Variants in RAB38 observed in about 807,000 individuals in gnomAD.
The protein encoded by RAB38 is ras-related protein Rab-38.
In RAB38, 15 loss-of-function variants were observed where a neutral mutation model predicts 18.4. The observed-to-expected ratio is 0.82, with a 90% CI of 0.55 to 1.26. The LOEUF is 1.26. Ranked by LOEUF, RAB38 falls within the 50% of genes most tolerant of loss-of-function variation. RAB38 has a pLI of 0.00. For missense variants in RAB38, 294 were observed against 267.4 expected (o/e 1.10, Z -0.69); for synonymous variants, 101 against 104.4 (o/e 0.97, Z 0.20).
chr11:88,044,058 C>T, the RAB38 span, among the ~76,000 whole-genome samples: 2 of 152,186 alleles, frequency 1.3e-5, no homozygotes, highest in Non-Finnish European at 1.5e-5. Context: ...CTCTTAATTT[C>T]AGTTCCTTTC....
At chr11:88,101,030 T>C in the RAB38 span, among the ~76,000 whole-genome samples, 2 of 152,104 alleles carry the variant, frequency 1.3e-5, no homozygotes, top group East Asian at 3.9e-4. Context: ...ATGACATTGC[T>C]GTAATCTGAC....
rs34291999 is a variant in RAB38 at position 88,174,800 on chromosome 11, T to C, written c.202+383A>G. Among the ~76,000 whole-genome samples the C allele has an allele frequency of 2.6e-3, 392 of 152,298 alleles. 2 individuals carry two copies. The highest frequency in any genetic ancestry group is 8.4e-3 in the African/African-American group (351 of 41,568). On this transcript the variant is annotated intron_variant, in intron 1 of 2. Coordinates refer to ENST00000243662, the MANE Select transcript of RAB38 (RefSeq NM_022337.3). ...AACCAGCCTAGGGGCTTCCCCTCGGTCCGCCCCTGCACGGAAGGACGTGCG... is the reference window on the plus strand; with the variant it reads ...AACCAGCCTAGGGGCTTCCCCTCGGCCCGCCCCTGCACGGAAGGACGTGCG...
At chr11:87,840,263 A>G in the RAB38 span, among the ~76,000 whole-genome samples, 3 of 152,190 alleles carry the variant, frequency 2.0e-5, no homozygotes, top group African/African-American at 7.2e-5. Flanking sequence ...CATTTGAGCT[A>G]GAGAAGAGAA....
chr11:88,070,049 G>A, the RAB38 span, among the ~76,000 whole-genome samples: 2 of 152,192 alleles, frequency 1.3e-5, no homozygotes, highest in Non-Finnish European at 2.9e-5. Flanking sequence ...GAGGCAACCT[G>A]CTCTGGGTCC....
At chr11:88,034,018 C>A in the RAB38 span, among the ~76,000 whole-genome samples, 1 of 152,142 alleles carries the variant, frequency 6.6e-6, no homozygotes, top group Non-Finnish European at 1.5e-5. Flanking sequence ...TGAGCCACCG[C>A]GCCCTGCAGT....
the RAB38 span, among the ~76,000 whole-genome samples, chr11:87,928,198 C>G: frequency 4.2e-3 from 632 of 152,046 alleles, 6 homozygotes; most frequent in African/African-American, 0.014. Flanking sequence ...GGTAAGTGTT[C>G]AATAACTTTT....
chr11:88,059,871 C>T, the RAB38 span, among the ~76,000 whole-genome samples: 1 of 152,202 alleles, frequency 6.6e-6, no homozygotes, highest in African/African-American at 2.4e-5. Context: ...GCAGCAGGTG[C>T]AGATGCATTT....
chr11:87,811,613 C>G, the RAB38 span, among the ~76,000 whole-genome samples: 1 of 152,104 alleles, frequency 6.6e-6, no homozygotes, highest in Admixed American at 6.6e-5. Flanking sequence ...GGGGCTGCTG[C>G]TCTCAGTTGT....
At chr11:87,874,713 C>T in the RAB38 span, among the ~76,000 whole-genome samples, 5 of 150,884 alleles carry the variant, frequency 3.3e-5, no homozygotes, top group Admixed American at 6.6e-5. Context: ...CATCCATAAT[C>T]GTTAGGGAAA....
intron 2 of RAB38, among the ~76,000 whole-genome samples, chr11:88,145,436 C>T (rs1565215842): frequency 1.3e-5 from 2 of 152,068 alleles, no homozygotes; most frequent in Non-Finnish European, 2.9e-5. Flanking sequence ...CGTGAGCCAC[C>T]GCGCCCAGCC....
intron 2 of RAB38, among the ~76,000 whole-genome samples, chr11:88,126,590 T>C (rs1942697927): frequency 6.6e-6 from 1 of 152,086 alleles, no homozygotes; most frequent in African/African-American, 2.4e-5. Flanking sequence ...TTAGGAGATA[T>C]ACCTAATGTA....
chr11:87,956,732 A>AT, the RAB38 span, among the ~76,000 whole-genome samples: 38 of 152,048 alleles, frequency 2.5e-4, no homozygotes, highest in South Asian at 5.8e-3. Flanking sequence ...GTTATAAAAC[A>AT]TTTTTTTTAA....
chr11:87,857,373 A>G, the RAB38 span, among the ~76,000 whole-genome samples: 1 of 152,200 alleles, frequency 6.6e-6, no homozygotes, highest in Non-Finnish European at 1.5e-5. Context: ...CTTTGGATAT[A>G]TACCCAGTAA....
the RAB38 span, among the ~76,000 whole-genome samples, chr11:87,833,472 A>G: frequency 1.1e-4 from 16 of 152,300 alleles, no homozygotes; most frequent in Middle Eastern, 6.8e-3. Flanking sequence ...ACATCTCATT[A>G]GAAACTGGTC....
the RAB38 span, among the ~76,000 whole-genome samples, chr11:87,892,118 C>T: frequency 6.6e-6 from 1 of 151,798 alleles, no homozygotes; most frequent in Non-Finnish European, 1.5e-5. Flanking sequence ...AAGAGATGCT[C>T]AAACTGCCAT....
chr11:87,968,872 A>G, the RAB38 span, among the ~76,000 whole-genome samples: 1 of 152,128 alleles, frequency 6.6e-6, no homozygotes, highest in Non-Finnish European at 1.5e-5. Flanking sequence ...TAGAGTGTGG[A>G]ATAGTAAGAC....
At chr11:87,864,038 C>T in the RAB38 span, among the ~76,000 whole-genome samples, 1 of 151,614 alleles carries the variant, frequency 6.6e-6, no homozygotes, top group Non-Finnish European at 1.5e-5. Flanking sequence ...CGGTAAAAAT[C>T]TACCCTTTAT....
chr11:87,865,675 TGAA>T, the RAB38 span, among the ~76,000 whole-genome samples: 1 of 149,344 alleles, frequency 6.7e-6, no homozygotes, highest in African/African-American at 2.5e-5. Context: ...AAGGAGGACA[TGAA>T]GAAAAGAGAA....
the RAB38 span, among the ~76,000 whole-genome samples, chr11:87,941,960 C>T: frequency 6.6e-6 from 1 of 152,188 alleles, no homozygotes; most frequent in African/African-American, 2.4e-5. Context: ...CTGCCCCTCT[C>T]TCTTGCTCCT....
Sources: gnomAD v4.1 joint callset for allele counts (sites outside exome capture counted in the v4.1 genomes callset) on GRCh38, gnomAD v4.1.1 for gene constraint, MANE v1.5 for transcripts, NCBI Gene and HGNC (gene_info 2026-07-23, HGNC 2026-07-21) for gene names.